The following CCDC136 variants were observed in gnomAD, a reference collection of about 807,000 sequenced individuals.
CCDC136 encodes the protein coiled-coil domain containing 136.
In CCDC136, 100 loss-of-function variants were observed where a neutral mutation model predicts 141.2. That is an observed-to-expected ratio of 0.71 (90% CI 0.60 to 0.84). The LOEUF is 0.84. CCDC136 is among the 40% of genes least tolerant of loss of function. CCDC136 has a pLI of 0.00. For synonymous variants in CCDC136, 474 were observed against 531.9 expected, an observed-to-expected ratio of 0.89 and a Z score of 1.50; for missense variants, 1,206 against 1,379.4, an observed-to-expected ratio of 0.87 and a Z score of 1.99.
chr7:128,808,723 C>T (rs571829020), intron 10 of CCDC136: 19 of 985,414 alleles, frequency 1.9e-5, no homozygotes, highest in African/African-American at 7.0e-5. Flanking sequence ...TCCAGGCTCA[C>T]GTTTCCTCCT....
At chr7:128,811,709 GT>G in intron 12 of CCDC136, 90 bp from the exon 13 acceptor site, 3 of 1,205,906 alleles carry the variant, frequency 2.5e-6, no homozygotes, top group Non-Finnish European at 3.5e-6. Context: ...ATTCTCTAAG[GT>G]GTGCTCTCAG....
chr7:128,815,175 A>T (rs765484095), intron 15 of CCDC136, among the ~76,000 whole-genome samples: 44 of 152,096 alleles, frequency 2.9e-4, no homozygotes, highest in Non-Finnish European at 6.2e-4. Context: ...AGGCTGGACA[A>T]CTCCTTCAGT....
intron 10 of CCDC136, chr7:128,809,057 C>T: frequency 1.3e-6 from 1 of 769,422 alleles, no homozygotes; most frequent in Non-Finnish European, 1.6e-6. Context: ...CATTAAAAAA[C>T]AACTGGGGTT....
chr7:128,798,988 C>T (rs1358695915), intron 3 of CCDC136, among the ~76,000 whole-genome samples: 8 of 151,726 alleles, frequency 5.3e-5, no homozygotes, highest in Admixed American at 3.3e-4. Flanking sequence ...ATCTATGAAG[C>T]GTGTCCAAAT....
intron 3 of CCDC136, among the ~76,000 whole-genome samples, chr7:128,798,217 G>A (rs1360608104): frequency 2.6e-5 from 3 of 114,944 alleles, no homozygotes; most frequent in East Asian, 6.2e-4. Flanking sequence ...GCGCCCGGCC[G>A]AAAATAGGGT....
chr7:128,815,835 G>A lies in CCDC136; in HGVS notation c.3267G>A (p.Glu1089=). The change falls in exon 16 of 18, where the codon GAG becomes GAA. Residue 1089 remains glutamate, a synonymous_variant. Transcript: ENST00000297788. ...ATGAAGAGGACAAAGAGGAAGAGGA[G>A]AAGGAAGAAGACAGTGAAGAGGAGG... ...EENEEDKEEE[E]KEEDSEEEED... is the part of the protein sequence containing the mutation. The A allele has an allele frequency of 6.2e-7, 1 of 1,612,778 alleles. No individual in the cohort carries two copies. The highest frequency in any genetic ancestry group is 8.5e-7 in the Non-Finnish European group (1 of 1,179,470).
chr7:128,812,278 C>T lies in CCDC136; in HGVS notation c.2507C>T (p.Thr836Ile), dbSNP rs1334139058. ...TCQKSFVSSC[T>I]DEEPAEPEDM... ...CAGAAGAGTTTTGTCAGCAGCTGCA[C>T]TGACGAGGAACCTGCTGAGCCTGAA... Residue 836 changes from threonine (T) to isoleucine (I), a missense_variant, in exon 13 of 18, where the codon ACT becomes ATT. Coordinates refer to ENST00000297788, the MANE Select transcript of CCDC136 (RefSeq NM_022742.5). 2 of 1,613,032 alleles carry T rather than the reference C, an allele frequency of 1.2e-6. No individual in the cohort carries two copies. The highest frequency in any genetic ancestry group is 1.7e-6 in the Non-Finnish European group (2 of 1,179,590).
chr7:128,802,790 C>T (rs1321424840), intron 4 of CCDC136, among the ~76,000 whole-genome samples: 2 of 152,120 alleles, frequency 1.3e-5, no homozygotes, highest in Admixed American at 6.5e-5. Context: ...ACTACCTTTG[C>T]AACTTTTTTG....
chr7:128,791,531 G>T (rs887134460), upstream of CCDC136: 2 of 1,291,242 alleles, frequency 1.5e-6, no homozygotes, highest in Non-Finnish European at 2.0e-6. This position sits in a 1 kb window ranked among gnomAD's most constrained non-coding sequence, Gnocchi z 7.1. Context: ...GGAGCCGCGG[G>T]CTGGAGCTGC....
Position 128,801,498 on chromosome 7 carries a change from C to G in CCDC136, c.659C>G (p.Ser220Cys). The change falls in exon 4 of 18, where the codon TCT becomes TGT. Residue 220 changes from serine (S) to cysteine (C), a missense_variant. Coordinates refer to ENST00000297788, the MANE Select transcript of CCDC136 (RefSeq NM_022742.5). ...GGTAGTTTAGGTCTCTCAGATTACT[C>G]TGGGTTACAAGGTATGAGAGCCATC... ...PSGSLGLSDYSGLQEELQELR... is the reference protein window; with the variant it reads ...PSGSLGLSDYCGLQEELQELR... 3 of 1,601,702 alleles carry G rather than the reference C, an allele frequency of 1.9e-6. No individual in the cohort carries two copies. The highest frequency in any genetic ancestry group is 1.7e-6 in the Non-Finnish European group (2 of 1,170,890).
In CCDC136 at chr7:128,812,027, C is replaced by G; in HGVS notation, c.2256C>G (p.Val752=). 2 of 1,613,950 alleles carry G rather than the reference C, an allele frequency of 1.2e-6. No individual in the cohort carries two copies. The highest frequency in any genetic ancestry group is 1.6e-4 in the Middle Eastern group (1 of 6,062). ...ESYGKSYGSM[V]PSNENCRKTY... is the part of the protein sequence containing the mutation. ...ACGGGAAGAGCTATGGTAGCATGGTCCCCAGCAATGAGAACTGTCGCAAGA... is the reference window on the plus strand; with the variant it reads ...ACGGGAAGAGCTATGGTAGCATGGTGCCCAGCAATGAGAACTGTCGCAAGA... Residue 752 remains valine (V), a synonymous_variant, in exon 13 of 18, where the codon GTC becomes GTG. Transcript: ENST00000297788.
At chr7:128,796,984 G>A (rs1368985043) in intron 3 of CCDC136, among the ~76,000 whole-genome samples, 20 of 151,568 alleles carry the variant, frequency 1.3e-4, no homozygotes, top group South Asian at 4.2e-4. Context: ...CTCGTGATCC[G>A]CCCGCCTCGG....
Position 128,809,587 on chromosome 7 carries a change from G to T in CCDC136, c.1743G>T (p.Leu581=). The change falls in exon 11 of 18, where the codon CTG becomes CTT. Residue 581 remains leucine, a synonymous_variant. Transcript: ENST00000297788. ...QRRMQEEQGQ[L]QEELHRLTLP... is the part of the protein sequence containing the mutation. The stretch of plus-strand genomic sequence containing the variant: ...GGATGCAGGAGGAGCAGGGCCAGCT[G>T]CAGGAAGAGCTGCACAGGCTCACAC... The T allele has an allele frequency of 1.3e-6, 2 of 1,566,692 alleles. No individual in the cohort carries two copies. The highest frequency in any genetic ancestry group is 1.7e-6 in the Non-Finnish European group (2 of 1,156,324).
At chr7:128,807,336 G>A (rs1562921238) in intron 9 of CCDC136, 24 bp from the exon 10 acceptor site, 2 of 1,429,706 alleles carry the variant, frequency 1.4e-6, no homozygotes, top group Non-Finnish European at 9.2e-7. Context: ...TGGGATGATG[G>A]CCAGGCCTGC....
At chr7:128,796,425 C>G (rs910784368) in intron 3 of CCDC136, among the ~76,000 whole-genome samples, 2 of 151,884 alleles carry the variant, frequency 1.3e-5, no homozygotes, top group African/African-American at 4.8e-5. Flanking sequence ...GTGGAGGACC[C>G]TGGCAAGAGA....
rs1199712473 is a variant in CCDC136, at chr7:128,811,958, G to T, written c.2187G>T (p.Leu729=). 6.2e-7 allele frequency: 1 copy of T among 1,614,004 alleles called. No homozygotes were observed. Among genetic ancestry groups the T allele is most frequent in the South Asian group, 1.1e-5 (1 of 91,086 alleles). ...AGCTCTGCCTGGAAGAAATGCAGCT[G>T]CTTCAAGTCCAGTCCCCTTCTATAA... ...DLQLCLEEMQ[L]LQVQSPSIKM... is the part of the protein sequence containing the mutation. The change falls in exon 13 of 18, where the codon CTG becomes CTT. Residue 729 remains leucine, a synonymous_variant. Transcript: ENST00000297788.
At position 128,806,385 on chromosome 7, in the gene CCDC136, A is replaced by G; in HGVS notation, c.1238A>G (p.Gln413Arg). 1.2e-6 allele frequency: 2 copies of G among 1,601,758 alleles called. No individual in the cohort carries two copies. Among genetic ancestry groups the G allele is most frequent in the Non-Finnish European group, 1.7e-6 (2 of 1,172,740 alleles). The change falls in exon 8 of 18, where the codon CAG becomes CGG. Residue 413 changes from glutamine (Q) to arginine (R), a missense_variant. Physicochemically the swap from Gln to Arg is conservative, Grantham distance 43. Transcript: ENST00000297788. ...ATGAAATCCACACTTGTAGAAAACC[A>G]GAGTGAGAAGGTAACAGCAACCAGA... ...KVMKSTLVEN[Q>R]SEKELLCRLQ...
chr7:128,821,702 T>C lies in CCDC136; in HGVS notation c.*6-97T>C, dbSNP rs947728531. The C allele has an allele frequency of 1.3e-5, 12 of 925,222 alleles. No individual in the cohort carries two copies. The highest frequency in any genetic ancestry group is 1.8e-5 in the Non-Finnish European group (12 of 663,820). 57.3% of individuals were successfully genotyped at this position (925,222 alleles called of 1,614,324 possible). On this transcript the variant is annotated intron_variant, in intron 17 of 17. Transcript: ENST00000297788. The surrounding 1 kb of genome is among the most constrained non-coding windows in gnomAD (Gnocchi z 5.1). ...AGGTAACAGAGACTGATCCACAATG[T>C]TCCTGAGGTGTCTTGGGCACCCATA...
chr7:128,818,523 G>A (rs1267656970), intron 17 of CCDC136, among the ~76,000 whole-genome samples: 1 of 152,110 alleles, frequency 6.6e-6, no homozygotes, highest in African/African-American at 2.4e-5. Flanking sequence ...AGTCAGAACA[G>A]AATGCCGGGA....
Sources: gnomAD v4.1 joint callset for allele counts (sites outside exome capture counted in the v4.1 genomes callset) on GRCh38, gnomAD v4.1.1 for gene constraint, Gnocchi (gnomAD v3.1) non-coding constraint, MANE v1.5 for transcripts, NCBI Gene and HGNC (gene_info 2026-07-23, HGNC 2026-07-21) for gene names.